RSRC1: variants seen among roughly 807,000 people sequenced by gnomAD.
RSRC1 encodes serine/Arginine-related protein 53.
In RSRC1, 39 loss-of-function variants were observed where a neutral mutation model predicts 49.1. The observed-to-expected ratio is 0.79, with a 90% CI of 0.61 to 1.04. The LOEUF (loss-of-function observed/expected upper bound fraction) is 1.04, where lower values mean the gene tolerates loss of function less well. Ranked by LOEUF, RSRC1 falls within the 50% of genes least tolerant of loss-of-function variation. The probability of loss-of-function intolerance (pLI) is 0.00; values close to 1 mark genes in which losing one functional copy is unlikely to be tolerated. For missense variants in RSRC1, 388 were observed against 402.4 expected (o/e 0.96, Z 0.31); for synonymous variants, 143 against 130.8 (o/e 1.09, Z -0.63).
intron 4 of RSRC1, among the ~76,000 whole-genome samples, chr3:158,250,510 A>G (rs2108012340): frequency 6.6e-6 from 1 of 152,302 alleles, no homozygotes; most frequent in East Asian, 1.9e-4. Context: ...AAGCCATTTT[A>G]ACTGGGGTGA....
intron 4 of RSRC1, among the ~76,000 whole-genome samples, chr3:158,212,846 C>A (rs1721760020): frequency 6.6e-6 from 1 of 151,942 alleles, no homozygotes; most frequent in South Asian, 2.1e-4. Context: ...TAATTTATAT[C>A]TCATTGTAAA....
intron 5 of RSRC1, among the ~76,000 whole-genome samples, chr3:158,309,245 T>C (rs1030964816): frequency 2.0e-5 from 3 of 151,864 alleles, no homozygotes; most frequent in African/African-American, 7.2e-5. Context: ...CTCTGAAGTA[T>C]GAGAATGTGT....
intron 4 of RSRC1, among the ~76,000 whole-genome samples, chr3:158,288,305 C>G (rs1473250617): frequency 2.0e-5 from 3 of 152,168 alleles, no homozygotes; most frequent in African/African-American, 7.2e-5. Context: ...TCCAACCACT[C>G]TAACACATCT....
chr3:158,374,038 A>G (rs1732222090), intron 6 of RSRC1, among the ~76,000 whole-genome samples: 1 of 152,028 alleles, frequency 6.6e-6, no homozygotes, highest in African/African-American at 2.4e-5. Context: ...TATGTTTACC[A>G]TTTTCATGTT....
chr3:158,451,093 G>A (rs953235228), intron 6 of RSRC1, among the ~76,000 whole-genome samples: 1 of 151,806 alleles, frequency 6.6e-6, no homozygotes, highest in East Asian at 1.9e-4. Context: ...TGTGAGGTAT[G>A]TATGCCACTC....
At chr3:158,229,877 C>T (rs575814514) in intron 4 of RSRC1, among the ~76,000 whole-genome samples, 1 of 152,054 alleles carries the variant, frequency 6.6e-6, no homozygotes, top group Admixed American at 6.6e-5. Context: ...GAATTTTTTA[C>T]ATAGCTAAAG....
chr3:158,176,872 G>A (rs1431317527), intron 3 of RSRC1, among the ~76,000 whole-genome samples: 1 of 152,008 alleles, frequency 6.6e-6, no homozygotes, highest in Non-Finnish European at 1.5e-5. Flanking sequence ...TACAGAATGG[G>A]AGAAAATTTT....
intron 4 of RSRC1, among the ~76,000 whole-genome samples, chr3:158,244,014 T>C (rs1723744679): frequency 8.4e-6 from 1 of 118,576 alleles, no homozygotes; most frequent in Non-Finnish European, 1.7e-5. Context: ...TTTGAGTTCC[T>C]TTCTAGCTAT....
At chr3:158,435,263 G>C (rs1476609034) in intron 6 of RSRC1, among the ~76,000 whole-genome samples, 21 of 151,538 alleles carry the variant, frequency 1.4e-4, no homozygotes, top group Admixed American at 1.4e-3. Context: ...TGCTTAACTT[G>C]TAGGTCTTAA....
chr3:158,312,107 G>A (rs1486001939), intron 5 of RSRC1, among the ~76,000 whole-genome samples: 1 of 152,040 alleles, frequency 6.6e-6, no homozygotes, highest in East Asian at 1.9e-4. Flanking sequence ...TTTGGTTGTT[G>A]TCCCTGAGAA....
intron 7 of RSRC1, among the ~76,000 whole-genome samples, chr3:158,482,284 T>C (rs1040183042): frequency 6.6e-6 from 1 of 152,030 alleles, no homozygotes; most frequent in African/African-American, 2.4e-5. Context: ...TAATACCAAA[T>C]TGAAAATTAT....
chr3:158,422,226 T>TC (rs1735107045), intron 6 of RSRC1, among the ~76,000 whole-genome samples: 1 of 74,922 alleles, frequency 1.3e-5, no homozygotes, highest in African/African-American at 5.4e-5. Context: ...CCCTCCCCCC[T>TC]CCCCCCACCC....
chr3:158,211,189 G>T (rs970817844), intron 4 of RSRC1, among the ~76,000 whole-genome samples: 14 of 151,970 alleles, frequency 9.2e-5, no homozygotes, highest in African/African-American at 3.4e-4. Flanking sequence ...AAGGGAAAGA[G>T]TACTGAGTTG....
chr3:158,371,239 T>TA (rs1217398652), intron 6 of RSRC1, among the ~76,000 whole-genome samples: 2 of 151,952 alleles, frequency 1.3e-5, no homozygotes, highest in African/African-American at 4.8e-5. Flanking sequence ...CAATGTTTTT[T>TA]AAAAATTAAT....
intron 7 of RSRC1, among the ~76,000 whole-genome samples, chr3:158,524,917 G>A (rs1380297160): frequency 1.3e-5 from 2 of 151,824 alleles, no homozygotes; most frequent in East Asian, 1.9e-4. Context: ...AGAAAAATGC[G>A]GGACCCATAA....
chr3:158,313,330 TA>T (rs1245588529), intron 5 of RSRC1, among the ~76,000 whole-genome samples: 21 of 152,234 alleles, frequency 1.4e-4, no homozygotes, highest in Admixed American at 1.1e-3. Flanking sequence ...TGTTTTTAGG[TA>T]AATAAGTAAA....
At chr3:158,116,021 A>G (rs987138207) in intron 1 of RSRC1, among the ~76,000 whole-genome samples, 8 of 152,320 alleles carry the variant, frequency 5.3e-5, no homozygotes, top group African/African-American at 1.9e-4. Context: ...GGCCATTTGG[A>G]AAATATTGGC....
intron 3 of RSRC1, among the ~76,000 whole-genome samples, chr3:158,197,054 T>A (rs1390335027): frequency 6.6e-6 from 1 of 152,186 alleles, no homozygotes; most frequent in Non-Finnish European, 1.5e-5. Context: ...TTCTATTGAT[T>A]GGAATAGTTT....
intron 7 of RSRC1, among the ~76,000 whole-genome samples, chr3:158,468,607 G>T (rs1293942946): frequency 6.6e-6 from 1 of 152,136 alleles, no homozygotes; most frequent in Non-Finnish European, 1.5e-5. Context: ...TGAGGCTAAT[G>T]AAAATATTTG....
Sources: gnomAD v4.1 joint callset for allele counts (sites outside exome capture counted in the v4.1 genomes callset) on GRCh38, gnomAD v4.1.1 for gene constraint, MANE v1.5 for transcripts, NCBI Gene and HGNC (gene_info 2026-07-23, HGNC 2026-07-21) for gene names.